The following TXNRD1 variants were observed in gnomAD, a reference collection of about 807,000 sequenced individuals.
TXNRD1 encodes thioredoxin reductase 1, cytoplasmic.
In TXNRD1, 57 loss-of-function variants were observed where a neutral mutation model predicts 80.3. The observed-to-expected ratio is 0.71, with a 90% CI of 0.57 to 0.89. The LOEUF is 0.89. Among genes scored for constraint, TXNRD1 ranks in the 40% least tolerant of loss-of-function variants. The pLI, the probability that TXNRD1 is intolerant of heterozygous loss-of-function variation, is 0.00. For synonymous variants in TXNRD1, 291 were observed against 285.2 expected, an observed-to-expected ratio of 1.02 and a Z score of -0.20; for missense variants, 730 against 803.0, an observed-to-expected ratio of 0.91 and a Z score of 1.10.
At chr12:104,265,896 A>G (rs1336389022) in intron 3 of TXNRD1, 272 of 371,584 alleles carry the variant, frequency 7.3e-4, no homozygotes, top group African/African-American at 3.5e-3. Context: ...CCCGGTGGAA[A>G]AAAAAAAAAA....
intron 1 of TXNRD1, among the ~76,000 whole-genome samples, chr12:104,246,572 G>T (rs1027361092): frequency 1.3e-5 from 2 of 149,130 alleles, no homozygotes; most frequent in Non-Finnish European, 3.0e-5. Flanking sequence ...CACCAGGCTG[G>T]AGTGCAGTGG....
chr12:104,283,327 C>T (rs2033915376), intron 3 of TXNRD1, among the ~76,000 whole-genome samples: 1 of 152,066 alleles, frequency 6.6e-6, no homozygotes, highest in Non-Finnish European at 1.5e-5. Context: ...TCTCGGCTCA[C>T]CGCAACTTCC....
intron 1 of TXNRD1, among the ~76,000 whole-genome samples, chr12:104,231,208 C>T (rs781440602): frequency 6.6e-6 from 1 of 152,136 alleles, no homozygotes; most frequent in Non-Finnish European, 1.5e-5. Context: ...AACATTCTCC[C>T]CTGTGGAGAG....
At chr12:104,279,382 A>T (rs1271060964) in intron 3 of TXNRD1, among the ~76,000 whole-genome samples, 2 of 152,194 alleles carry the variant, frequency 1.3e-5, no homozygotes, top group Admixed American at 1.3e-4. Context: ...ACCTGTTCAA[A>T]CTAGATTTGC....
intron 1 of TXNRD1, among the ~76,000 whole-genome samples, chr12:104,219,803 G>A (rs1412638211): frequency 6.6e-6 from 1 of 151,366 alleles, no homozygotes. Flanking sequence ...TTTAATAAGT[G>A]AGGAATGTTC....
intron 3 of TXNRD1, among the ~76,000 whole-genome samples, chr12:104,267,700 TCTCTC>T (rs2033553485): frequency 6.6e-5 from 3 of 45,424 alleles, no homozygotes; most frequent in South Asian, 5.7e-4. Context: ...TTTCTTTCTT[TCTCTC>T]TTTCTTTCTT....
intron 3 of TXNRD1, chr12:104,265,424 T>C (rs533793096): frequency 6.2e-7 from 1 of 1,604,250 alleles, no homozygotes; most frequent in South Asian, 1.1e-5. Flanking sequence ...AATCATGTCG[T>C]CGCCAAGTCC....
intron 4 of TXNRD1, among the ~76,000 whole-genome samples, chr12:104,296,084 A>G (rs1215103293): frequency 6.6e-6 from 1 of 152,234 alleles, no homozygotes; most frequent in Non-Finnish European, 1.5e-5. Flanking sequence ...AAGCTAGTTA[A>G]GTGGCAGAGT....
intron 11 of TXNRD1, 111 bp from the exon 12 acceptor site, chr12:104,326,236 C>G (rs1407556792): frequency 5.8e-5 from 41 of 707,996 alleles, no homozygotes; most frequent in African/African-American, 7.5e-5. Context: ...TATTTATTTC[C>G]AAGTTTGAAA....
intron 1 of TXNRD1, among the ~76,000 whole-genome samples, chr12:104,224,577 G>C (rs146162278): frequency 0.025 from 3,728 of 152,060 alleles, 66 homozygotes; most frequent in Non-Finnish European, 0.04. Context: ...GTAAAGACGG[G>C]GTTTCACCAT....
chr12:104,254,630 G>GAAAAAAAAAA (rs760022093), intron 2 of TXNRD1, among the ~76,000 whole-genome samples: 2,516 of 16,140 alleles, frequency 0.16, 221 homozygotes, highest in Non-Finnish European at 0.22. Flanking sequence ...TATGTCTATG[G>GAAAAAAAAAA]AAAAAAAAAA....
At chr12:104,285,527 G>A (rs2033952519) in intron 3 of TXNRD1, among the ~76,000 whole-genome samples, 1 of 152,148 alleles carries the variant, frequency 6.6e-6, no homozygotes, top group Non-Finnish European at 1.5e-5. Flanking sequence ...ACTCTGAGCT[G>A]TCTATACAAG....
At chr12:104,330,596 T>C (rs940963327) in intron 13 of TXNRD1, among the ~76,000 whole-genome samples, 1 of 151,978 alleles carries the variant, frequency 6.6e-6, no homozygotes, top group Non-Finnish European at 1.5e-5. Flanking sequence ...TTTTTTTTAC[T>C]TTTTTTTGAG....
intron 1 of TXNRD1, among the ~76,000 whole-genome samples, chr12:104,244,958 G>A (rs1305321603): frequency 6.6e-6 from 1 of 152,174 alleles, no homozygotes; most frequent in African/African-American, 2.4e-5. Context: ...TGTTCAGGAG[G>A]TCCGGAATGG....
rs373518980 is a variant in TXNRD1 at position 104,318,465 on chromosome 12, T to C, written c.731-448T>C. On this transcript the variant is annotated intron_variant, in intron 7 of 16. Coordinates refer to ENST00000525566, the MANE Select transcript of TXNRD1 (RefSeq NM_001093771.3). ...AGCATGGCTGTATTTTAATAAAGCT[T>C]TATTTACAAAAAGCTGATGGGCTGG... Among the ~76,000 whole-genome samples the C allele has an allele frequency of 5.3e-5, 8 of 152,314 alleles. No individual in the cohort carries two copies. The East Asian group carries it at 7.7e-4, about 15-fold the overall frequency.
chr12:104,295,113 TAG>T (rs1225639842), intron 4 of TXNRD1, among the ~76,000 whole-genome samples: 1 of 152,218 alleles, frequency 6.6e-6, no homozygotes, highest in Non-Finnish European at 1.5e-5. Flanking sequence ...CAAGATTTAT[TAG>T]AGTCTTAGAC....
chr12:104,216,506 T>A (rs1261053600), intron 1 of TXNRD1, among the ~76,000 whole-genome samples: 1 of 152,244 alleles, frequency 6.6e-6, no homozygotes, highest in Non-Finnish European at 1.5e-5. Context: ...TTCTCCATTG[T>A]CCGGATAATG....
chr12:104,343,734 GA>G (rs1213305573), intron 16 of TXNRD1, among the ~76,000 whole-genome samples: 1 of 152,080 alleles, frequency 6.6e-6, no homozygotes, highest in African/African-American at 2.4e-5. Context: ...CCAGGAGGCA[GA>G]GGTTGTACTG....
chr12:104,245,984 G>A (rs866543879), intron 1 of TXNRD1, among the ~76,000 whole-genome samples: 3 of 151,434 alleles, frequency 2.0e-5, no homozygotes, highest in Admixed American at 2.0e-4. Context: ...GTGGTGGCGG[G>A]CTCCTGTAGT....
Sources: allele counts gnomAD v4.1 joint callset (sites outside exome capture counted in the v4.1 genomes callset), GRCh38; gene constraint gnomAD v4.1.1; transcripts MANE v1.5; gene names NCBI Gene and HGNC (gene_info 2026-07-23, HGNC 2026-07-21).